The following ITGAE variants were observed in gnomAD, a reference collection of about 807,000 sequenced individuals.
ITGAE encodes integrin alpha-E.
A neutral mutation model predicts 136.5 loss-of-function variants in ITGAE; 99 were observed. The ratio of observed to expected loss-of-function variants is 0.73; its 90% CI spans 0.62 to 0.86. The LOEUF (loss-of-function observed/expected upper bound fraction) is 0.86. Ranked by LOEUF, ITGAE falls within the 40% of genes least tolerant of loss-of-function variation. ITGAE has a pLI of 0.00. For synonymous variants in ITGAE, 613 were observed against 591.8 expected (o/e 1.04, Z -0.52); for missense variants, 1,447 against 1,515.3 (o/e 0.95, Z 0.75).
intron 20 of ITGAE, among the ~76,000 whole-genome samples, chr17:3,736,801 A>T (rs571909434): frequency 1.5e-4 from 23 of 152,062 alleles, no homozygotes; most frequent in Non-Finnish European, 2.5e-4. Flanking sequence ...ATGGCCTCCC[A>T]AAGTGCTGGG....
At chr17:3,779,250 GCACAAA>G (rs2052610303) in intron 1 of ITGAE, among the ~76,000 whole-genome samples, 1 of 152,108 alleles carries the variant, frequency 6.6e-6, no homozygotes, top group Non-Finnish European at 1.5e-5. Flanking sequence ...TAAAGAAGAA[GCACAAA>G]CACATTTTGT....
In ITGAE at chr17:3,761,404, A is replaced by G; in HGVS notation, c.432T>C (p.Leu144=). 6.2e-7 allele frequency: 1 copy of G among 1,609,794 alleles called. No homozygotes were observed. Among genetic ancestry groups the G allele is most frequent in the Non-Finnish European group, 8.5e-7 (1 of 1,178,048 alleles). ...RPQAQANFFD[L]ENLLDPDARV... ...GGCCAGTGAATGTCCAATCCTTACC[A>G]AGGTCGAAGAAGTTGGCCTGAGCCT... Residue 144 remains leucine (L), a splice_region_variant and synonymous_variant, in exon 5 of 31, where the codon CTT becomes CTC. Coordinates refer to ENST00000263087, the MANE Select transcript of ITGAE (RefSeq NM_002208.5).
At chr17:3,723,553 G>A (rs2051105236) in intron 27 of ITGAE, 135 bp downstream of exon 27, 1 of 1,078,404 alleles carries the variant, frequency 9.3e-7, no homozygotes. Flanking sequence ...GAGACCCAGG[G>A]ACGAAGCTAG....
chr17:3,801,046 C>A, intron 1 of ITGAE, 65 bp downstream of exon 1: 2 of 1,569,502 alleles, frequency 1.3e-6, no homozygotes, highest in South Asian at 2.2e-5. Flanking sequence ...AGGCTGTAGT[C>A]TGCAGACACC....
chr17:3,786,028 G>A (rs943280986), intron 1 of ITGAE, among the ~76,000 whole-genome samples: 2 of 151,728 alleles, frequency 1.3e-5, no homozygotes, highest in Admixed American at 6.6e-5. Context: ...TTAGCCGGGC[G>A]TGGTGGCGGG....
chr17:3,795,837 ATG>A (rs1491487326), intron 1 of ITGAE, among the ~76,000 whole-genome samples: 1 of 126,702 alleles, frequency 7.9e-6, no homozygotes, highest in African/African-American at 3.2e-5. Context: ...CTGTGTGTGC[ATG>A]TGTGCATCTG....
In ITGAE at chr17:3,755,108, C is replaced by T; in HGVS notation, c.1384+9G>A. ...TGGCCCCGCCCTCATCAGGTGGCCC[C>T]GCCCTCACCCAGGTAGCTGTACTGC... On this transcript the variant is annotated intron_variant, in intron 12 of 30. Transcript: ENST00000263087. 6.3e-7 allele frequency: 1 copy of T among 1,583,678 alleles called. No individual in the cohort carries two copies. Among genetic ancestry groups the T allele is most frequent in the Non-Finnish European group, 8.6e-7 (1 of 1,168,672 alleles).
In ITGAE at chr17:3,736,833, G is replaced by A. The variant is rs573767173; in HGVS notation, c.2523-1884C>T. On this transcript the variant is annotated intron_variant, in intron 20 of 30. Transcript: ENST00000263087. ...TGGGATTACAGGCGTGAGCCACCAC[G>A]CCCGGCCTAGGAAGTAATGTGAGGT... Among the ~76,000 whole-genome samples the A allele has an allele frequency of 2.1e-4, 31 of 150,650 alleles. 1 individual carries two copies. In the South Asian group the frequency reaches 5.8e-3, roughly 28 times the overall value.
In ITGAE at chr17:3,773,351, C is replaced by T. The variant is rs184040492; in HGVS notation, c.155+4189G>A. 2.2e-4 allele frequency among the ~76,000 whole-genome samples: 33 copies of T among 152,038 alleles called. No individual in the cohort carries two copies. In the Middle Eastern group the frequency reaches 0.01, roughly 47 times the overall value. ...ACTAAAAATACAAAACTCAGATGGG[C>T]GTGGTGGCAGGCGCCTGTAATCTCA... On this transcript the variant is annotated intron_variant, in intron 2 of 30. Coordinates refer to ENST00000263087, the MANE Select transcript of ITGAE (RefSeq NM_002208.5).
At chr17:3,801,012 A>G in intron 1 of ITGAE, 99 bp downstream of exon 1, 2 of 1,370,248 alleles carry the variant, frequency 1.5e-6, no homozygotes, top group South Asian at 1.2e-5. Context: ...GCTCTAACTG[A>G]GCCCCATCAG....
chr17:3,767,392 C>T (rs1287498395), intron 2 of ITGAE, among the ~76,000 whole-genome samples: 1 of 152,104 alleles, frequency 6.6e-6, no homozygotes, highest in Non-Finnish European at 1.5e-5. Context: ...GCCACCACAC[C>T]CGGCCAATTT....
At chr17:3,768,286 G>T (rs1408042959) in intron 2 of ITGAE, among the ~76,000 whole-genome samples, 4 of 152,070 alleles carry the variant, frequency 2.6e-5, no homozygotes, top group Admixed American at 2.0e-4. Context: ...CATCACACCT[G>T]GCAAATTTTC....
chr17:3,777,800 A>C, intron 1 of ITGAE, 140 bp from the exon 2 acceptor site: 1 of 1,002,836 alleles, frequency 1.0e-6, no homozygotes, highest in Non-Finnish European at 1.4e-6. Flanking sequence ...GTGAGAGAGA[A>C]AGACTAGACG....
At position 3,801,156 on chromosome 17, in the gene ITGAE, C is replaced by A. The variant is rs774043067; in HGVS notation, c.-12G>T. 2.5e-6 allele frequency: 4 copies of A among 1,610,402 alleles called. No individual in the cohort carries two copies. The Admixed American group carries it at 6.7e-5, about 27-fold the overall frequency. On this transcript the variant is annotated 5_prime_UTR_variant, in exon 1 of 31. Coordinates refer to ENST00000263087, the MANE Select transcript of ITGAE (RefSeq NM_002208.5). ...TGGAAGAGCCACATCCTTGCTGGAG[C>A]AGAGGCGGCTGTGTGGGAGCCGAGG...
At chr17:3,757,574 G>T (rs2143047723) in intron 9 of ITGAE, 132 bp downstream of exon 9, 1 of 985,000 alleles carries the variant, frequency 1.0e-6, no homozygotes, top group Non-Finnish European at 1.5e-6. Flanking sequence ...AGCATGGAGA[G>T]AAGAGGAGCA....
intron 20 of ITGAE, 64 bp downstream of exon 20, chr17:3,739,740 GA>G: frequency 7.3e-7 from 1 of 1,376,736 alleles, no homozygotes; most frequent in Non-Finnish European, 1.0e-6. Flanking sequence ...CCTAATGAAG[GA>G]ATTGCCCAGG....
intron 17 of ITGAE, among the ~76,000 whole-genome samples, chr17:3,746,611 A>G (rs1597326250): frequency 6.6e-6 from 1 of 151,670 alleles, no homozygotes; most frequent in Admixed American, 6.6e-5. Flanking sequence ...GCCCGCCACC[A>G]CACCTGGCTA....
At chr17:3,745,673 G>C in intron 18 of ITGAE, 91 bp downstream of exon 18, 6 of 1,234,940 alleles carry the variant, frequency 4.9e-6, no homozygotes, top group Non-Finnish European at 6.9e-6. Context: ...CTCATTTGTA[G>C]GTCTGGGTAT....
At chr17:3,770,119 T>C (rs915494377) in intron 2 of ITGAE, among the ~76,000 whole-genome samples, 71 of 150,734 alleles carry the variant, frequency 4.7e-4, no homozygotes, top group African/African-American at 1.6e-3. Context: ...TCTTTCTTTT[T>C]TTTTTTTTTC....
Sources: gnomAD v4.1 joint callset for allele counts (sites outside exome capture counted in the v4.1 genomes callset) on GRCh38, gnomAD v4.1.1 for gene constraint, MANE v1.5 for transcripts, NCBI Gene and HGNC (gene_info 2026-07-23, HGNC 2026-07-21) for gene names.